Variants in UBR4 observed in about 807,000 individuals in gnomAD.
UBR4 encodes E3 ubiquitin-protein ligase UBR4.
In UBR4, 124 loss-of-function variants were observed where a neutral mutation model predicts 575.6. The observed-to-expected ratio is 0.22, with a 90% confidence interval of 0.19 to 0.25. The LOEUF is 0.25. UBR4 is among the 10% of genes least tolerant of loss of function. The pLI is 1.00. For missense variants in UBR4, 4,818 were observed against 6,478.8 expected (o/e 0.74, Z 8.80); for synonymous variants, 2,455 against 2,473.7 (o/e 0.99, Z 0.22).
In UBR4 at chr1:19,114,063, G is replaced by C; in HGVS notation, c.11210C>G (p.Ser3737Cys). Residue 3737 changes from serine to cysteine, a missense_variant, in exon 76 of 106, where the codon TCC (serine) becomes TGC (cysteine). Ser to Cys is a moderately radical substitution (Grantham distance 112, BLOSUM62 -1). Transcript: ENST00000375254. ...TTTGTCCAAAAGTGTATTGATGTTG[G>C]ATACAGCCTAGACAGGAAAAGACAG... is the stretch of plus-strand genomic sequence containing the variant. Reference protein sequence around the residue: ...ENEEDRKKAVSNINTLLDKAD... With the variant: ...ENEEDRKKAVCNINTLLDKAD... 1 of 1,613,488 alleles carries C rather than the reference G, an allele frequency of 6.2e-7. No individual in the cohort carries two copies. The highest frequency in any genetic ancestry group is 1.7e-5 in the Admixed American group (1 of 60,012).
intron 67 of UBR4, 83 bp from the exon 68 acceptor site, chr1:19,121,517 T>G: frequency 6.6e-7 from 1 of 1,517,482 alleles, no homozygotes; most frequent in South Asian, 1.3e-5. Context: ...TCCCTACAGC[T>G]GAGACTGCCC....
chr1:19,117,074 T>C lies in UBR4; in HGVS notation c.10823+147A>G, dbSNP rs916574297. On this transcript the variant is annotated intron_variant, in intron 73 of 105. Coordinates refer to ENST00000375254, the MANE Select transcript of UBR4 (RefSeq NM_020765.3). This position sits in a 1 kb window ranked among gnomAD's most constrained non-coding sequence, Gnocchi z 4.0. ...CATGCTTAGAACTGTTGTTTCACTT[T>C]TGTCCTTTGGTCATGAATGGAGGGG... The C allele has an allele frequency of 1.2e-6, 1 of 818,754 alleles. No individual in the cohort carries two copies. The highest frequency in any genetic ancestry group is 1.9e-6 in the Non-Finnish European group (1 of 518,420). The allele number at this position is 818,754 out of a possible 1,614,324, so 50.7% of individuals were successfully genotyped here.
At chr1:19,162,201 G>A (rs1357700783) in intron 35 of UBR4, among the ~76,000 whole-genome samples, 1 of 152,190 alleles carries the variant, frequency 6.6e-6, no homozygotes, top group Non-Finnish European at 1.5e-5. Context: ...TGACAAAGCA[G>A]GACAAGTGAC....
At position 19,179,145 on chromosome 1, in the gene UBR4, G is replaced by A. The variant is rs2090604842; in HGVS notation, c.2260C>T (p.Leu754Phe). 3.1e-6 allele frequency: 5 copies of A among 1,613,488 alleles called. No homozygotes were observed. Among genetic ancestry groups the A allele is most frequent in the Admixed American group, 1.7e-5 (1 of 59,770 alleles). ...PWPLYIHPQS[L>F]SVLSRLLLIW... ...AGCAGGAGGCGTGAAAGCACAGAGAGGCTTTGAGGGTGAATGTACAAGGGC... is the reference window on the plus strand; with the variant it reads ...AGCAGGAGGCGTGAAAGCACAGAGAAGCTTTGAGGGTGAATGTACAAGGGC... Residue 754 changes from leucine (L) to phenylalanine (F), a missense_variant, in exon 18 of 106, where the codon CTC (leucine) becomes TTC (phenylalanine). Leu to Phe is a conservative substitution (Grantham distance 22). Coordinates refer to ENST00000375254, the MANE Select transcript of UBR4 (RefSeq NM_020765.3).
chr1:19,201,694 G>A, intron 2 of UBR4, 24 bp downstream of exon 2: 1 of 1,593,086 alleles, frequency 6.3e-7, no homozygotes, highest in Non-Finnish European at 8.6e-7. Flanking sequence ...CCTCAGAAGG[G>A]AAGGACAAGA....
chr1:19,096,201 T>C (rs1220608790), intron 92 of UBR4, among the ~76,000 whole-genome samples: 1 of 152,020 alleles, frequency 6.6e-6, no homozygotes, highest in African/African-American at 2.4e-5. Flanking sequence ...AACCCTACAA[T>C]GCAAGAAATG....
chr1:19,201,869 A>G, intron 1 of UBR4, 54 bp from the exon 2 acceptor site: 1 of 1,472,708 alleles, frequency 6.8e-7, no homozygotes, highest in African/African-American at 1.4e-5. Context: ...ACTATGTGCC[A>G]GATACCCCTT....
chr1:19,104,822 C>G (rs572316816), intron 85 of UBR4, 156 bp from the exon 86 acceptor site: 1 of 1,079,916 alleles, frequency 9.3e-7, no homozygotes, highest in Admixed American at 2.2e-5. Flanking sequence ...CCAACAGTCA[C>G]AGCGCTGGTA....
Position 19,114,016 on chromosome 1 carries a change from G to A in UBR4, c.11257C>T (p.Leu3753=), listed in dbSNP as rs772498658. The part of the protein sequence containing the change: ...LDKADRVYHQ[L]MGHRPQLENL... ...TCCAGCTGTGGCCGGTGTCCCATCAGCTGATGATACACTCGATCAGCTTTG... is the reference window on the plus strand; with the variant it reads ...TCCAGCTGTGGCCGGTGTCCCATCAACTGATGATACACTCGATCAGCTTTG... The change falls in exon 76 of 106, where the codon CTG becomes TTG. Residue 3753 remains leucine, a synonymous_variant. Coordinates refer to ENST00000375254, the MANE Select transcript of UBR4 (RefSeq NM_020765.3). 2 of 1,614,236 alleles carry A rather than the reference G, an allele frequency of 1.2e-6. No individual in the cohort carries two copies. The highest frequency in any genetic ancestry group is 2.2e-5 in the East Asian group (1 of 44,888).
At chr1:19,127,294 T>G (rs2081925782) in intron 63 of UBR4, among the ~76,000 whole-genome samples, 1 of 152,230 alleles carries the variant, frequency 6.6e-6, no homozygotes, top group Non-Finnish European at 1.5e-5. Flanking sequence ...TTCTCTCTGC[T>G]TTATTACCAT....
Position 19,187,272 on chromosome 1 carries a change from G to A in UBR4, c.1524C>T (p.Ala508=). ...KGWETDGPPA[A]LSIMAQSTSI... is the part of the protein sequence containing the mutation. ...AGGTGCTCTGGGCCATAATGCTCAAGGCTGCAGGGGGGCCATCTGTCTCCC... is the reference window on the plus strand; with the variant it reads ...AGGTGCTCTGGGCCATAATGCTCAAAGCTGCAGGGGGGCCATCTGTCTCCC... The change falls in exon 13 of 106, where the codon GCC becomes GCT. Residue 508 remains alanine, a synonymous_variant. Transcript: ENST00000375254. The A allele has an allele frequency of 6.2e-7, 1 of 1,613,884 alleles. No homozygotes were observed. Among genetic ancestry groups the A allele is most frequent in the Non-Finnish European group, 8.5e-7 (1 of 1,179,878 alleles).
chr1:19,122,830 T>C lies in UBR4; in HGVS notation c.9816+3A>G. The C allele has an allele frequency of 6.2e-7, 1 of 1,614,200 alleles. No individual in the cohort carries two copies. The highest frequency in any genetic ancestry group is 8.5e-7 in the Non-Finnish European group (1 of 1,180,022). ...CTGCCCTACCAGGTCCCAGCCCTCGTACCAGGCTGATGAGTGTGTCATATT... is the reference window on the plus strand; with the variant it reads ...CTGCCCTACCAGGTCCCAGCCCTCGCACCAGGCTGATGAGTGTGTCATATT... On this transcript the variant is annotated splice_donor_region_variant and intron_variant, in intron 66 of 105. Coordinates refer to ENST00000375254, the MANE Select transcript of UBR4 (RefSeq NM_020765.3).
Position 19,210,225 on chromosome 1 carries a change from C to T in UBR4, c.24G>A (p.Glu8=), listed in dbSNP as rs1033140755. ...CCGGCGCCGGAGCCGCTGCCGCCGC[C>T]TCTTCGCCGCCGCTCGTCGCCATCT... The part of the protein sequence containing the change: MATSGGE[E]AAAAAPAPGT... The change falls in exon 1 of 106, where the codon GAG becomes GAA. Residue 8 remains glutamate, a synonymous_variant. Transcript: ENST00000375254. The T allele has an allele frequency of 1.6e-5, 23 of 1,437,072 alleles. No homozygotes were observed. The African/African-American group carries it at 3.3e-4, about 21-fold the overall frequency. The allele number at this position is 1,437,072 out of a possible 1,614,324, so 89.0% of individuals were successfully genotyped here.
At chr1:19,178,677 A>G (rs562473101) in intron 18 of UBR4, among the ~76,000 whole-genome samples, 107 of 152,316 alleles carry the variant, frequency 7.0e-4, no homozygotes, top group Non-Finnish European at 1.3e-3. Flanking sequence ...ATTCTTTAAA[A>G]TTTCTCCAAA....
rs754996395 is a variant in UBR4, at chr1:19,086,186, T to G, written c.14772A>C (p.Gly4924=). Residue 4924 remains glycine (G), a synonymous_variant, in exon 101 of 106, where the codon GGA becomes GGC. Coordinates refer to ENST00000375254, the MANE Select transcript of UBR4 (RefSeq NM_020765.3). ...CAAAAGCTGATTCAGGGACATGAGG[T>G]CCCCAGACCGGAAGGAGCCCGTTGC... The part of the protein sequence containing the change: ...TKCNGLLPVW[G]PHVPESAFAT... 2 of 1,613,898 alleles carry G rather than the reference T, an allele frequency of 1.2e-6. No individual in the cohort carries two copies. The highest frequency in any genetic ancestry group is 1.7e-6 in the Non-Finnish European group (2 of 1,179,980).
intron 53 of UBR4, 24 bp from the exon 54 acceptor site, chr1:19,144,931 T>C (rs1044054071): frequency 1.2e-6 from 2 of 1,611,144 alleles, no homozygotes; most frequent in Non-Finnish European, 1.7e-6. Flanking sequence ...AAACATTATT[T>C]GAAAATCTGG....
At chr1:19,096,697 T>C in intron 91 of UBR4, 47 bp from the exon 92 acceptor site, 5 of 1,608,540 alleles carry the variant, frequency 3.1e-6, no homozygotes, top group Non-Finnish European at 4.2e-6. Flanking sequence ...AAGGTGAAGA[T>C]GGGAATAAAA....
rs1482041132 is a variant in UBR4 at position 19,140,756 on chromosome 1, C to A, written c.8593+32G>T. 8 of 1,599,546 alleles carry A rather than the reference C, an allele frequency of 5.0e-6. No individual in the cohort carries two copies. In the African/African-American group the frequency reaches 5.3e-5, roughly 11 times the overall value. ...AAACAAGGCCTGAGGGTCCTGGGGCCCTGAGCCGTGCTCCTTGCTGTGGAC... is the reference window on the plus strand; with the variant it reads ...AAACAAGGCCTGAGGGTCCTGGGGCACTGAGCCGTGCTCCTTGCTGTGGAC... On this transcript the variant is annotated intron_variant, in intron 58 of 105. Transcript: ENST00000375254.
At chr1:19,099,964 A>G (rs369083532) in intron 89 of UBR4, 38 of 450,772 alleles carry the variant, frequency 8.4e-5, no homozygotes, top group African/African-American at 7.1e-4. Flanking sequence ...GCTTTTCACT[A>G]TGTAAAAATG....
Sources: gnomAD v4.1 joint callset for allele counts (sites outside exome capture counted in the v4.1 genomes callset) on GRCh38, gnomAD v4.1.1 for gene constraint, Gnocchi (gnomAD v3.1) non-coding constraint, MANE v1.5 for transcripts, NCBI Gene and HGNC (gene_info 2026-07-23, HGNC 2026-07-21) for gene names.